KCNU1: variants seen among roughly 807,000 people sequenced by gnomAD.
KCNU1 encodes potassium channel subfamily U member 1.
KCNU1 carries 93 observed loss-of-function variants against 126.8 expected under a neutral mutation model. The observed-to-expected ratio is 0.73, with a 90% CI of 0.62 to 0.87. The LOEUF is 0.87. Among genes scored for constraint, KCNU1 ranks in the 40% least tolerant of loss-of-function variants. The pLI, the probability that KCNU1 is intolerant of heterozygous loss-of-function variation, is 0.00. For missense variants in KCNU1, 1,330 were observed against 1,367.1 expected (o/e 0.97, Z 0.43); for synonymous variants, 523 against 494.2 (o/e 1.06, Z -0.77).
At chr8:36,931,497 G>T (rs1808702585) in intron 25 of KCNU1, among the ~76,000 whole-genome samples, 1 of 152,058 alleles carries the variant, frequency 6.6e-6, no homozygotes, top group African/African-American at 2.4e-5. Flanking sequence ...TGTTTATTGA[G>T]TATTTTCTCT....
At chr8:36,914,694 G>A (rs150896219) in intron 22 of KCNU1, among the ~76,000 whole-genome samples, 1 of 152,228 alleles carries the variant, frequency 6.6e-6, no homozygotes, top group East Asian at 1.9e-4. Flanking sequence ...AGGTTTTTCT[G>A]TAATACTCTA....
chr8:36,841,819 T>A (rs1417080079), intron 16 of KCNU1, among the ~76,000 whole-genome samples: 3 of 152,122 alleles, frequency 2.0e-5, no homozygotes, highest in Non-Finnish European at 4.4e-5. Flanking sequence ...GACATCAGCA[T>A]TTCCCAAAAA....
intron 19 of KCNU1, among the ~76,000 whole-genome samples, chr8:36,870,387 A>G (rs556511187): frequency 6.6e-6 from 1 of 152,144 alleles, no homozygotes; most frequent in African/African-American, 2.4e-5. Flanking sequence ...CCCCTCTGCC[A>G]TACATACCCT....
At chr8:36,813,309 G>T (rs1054500838) in intron 7 of KCNU1, among the ~76,000 whole-genome samples, 16 of 151,878 alleles carry the variant, frequency 1.1e-4, no homozygotes, top group African/African-American at 3.9e-4. Flanking sequence ...TTCCATCCTA[G>T]TTCTTAAAAA....
At chr8:36,913,292 G>A (rs1807959893) in intron 22 of KCNU1, among the ~76,000 whole-genome samples, 1 of 152,044 alleles carries the variant, frequency 6.6e-6, no homozygotes, top group Admixed American at 6.5e-5. Context: ...GGTTTTGGGG[G>A]AATGAGGTTG....
chr8:36,903,860 T>A (rs1481614105), intron 19 of KCNU1, among the ~76,000 whole-genome samples: 1 of 152,022 alleles, frequency 6.6e-6, no homozygotes, highest in Admixed American at 6.6e-5. Context: ...AAGTGCAAAG[T>A]GAATTGGGGG....
chr8:36,858,823 A>G (rs1204431214), intron 18 of KCNU1, among the ~76,000 whole-genome samples: 1 of 152,196 alleles, frequency 6.6e-6, no homozygotes, highest in African/African-American at 2.4e-5. Flanking sequence ...TATGATATCT[A>G]GGGATAAGTT....
chr8:36,790,402 A>C (rs1033494521), intron 2 of KCNU1, among the ~76,000 whole-genome samples: 2 of 152,110 alleles, frequency 1.3e-5, no homozygotes, highest in African/African-American at 4.8e-5. Context: ...AAAGATAGTT[A>C]GAAATTAATG....
rs185798371 is a variant in KCNU1 at position 36,829,348 on chromosome 8, T to A, written c.1107-4206T>A. On this transcript the variant is annotated intron_variant, in intron 10 of 26. Coordinates refer to ENST00000399881, the MANE Select transcript of KCNU1 (RefSeq NM_001031836.3). Reference sequence around the variant, plus strand: ...TTTTGTTTAGAAACTTTTTCCCTATTCCACTGTTTAAAATATGTTGAACTA... The same window carrying A: ...TTTTGTTTAGAAACTTTTTCCCTATACCACTGTTTAAAATATGTTGAACTA... 2.5e-3 allele frequency among the ~76,000 whole-genome samples: 384 copies of A among 151,958 alleles called. 4 individuals carry two copies. Among genetic ancestry groups the A allele is most frequent in the African/African-American group, 8.9e-3 (369 of 41,554 alleles).
At position 36,807,467 on chromosome 8, in the gene KCNU1, G is replaced by T; in HGVS notation, c.656+17G>T. 2 of 1,559,544 alleles carry T rather than the reference G, an allele frequency of 1.3e-6. No homozygotes were observed. Among genetic ancestry groups the T allele is most frequent in the South Asian group, 2.2e-5 (2 of 89,982 alleles). ...CAAGACCAGGTAAATAGCCCTGACC[G>T]AAGTACTGCTTACTTATTAGTTTGG... On this transcript the variant is annotated intron_variant, in intron 6 of 26. Transcript: ENST00000399881.
intron 19 of KCNU1, among the ~76,000 whole-genome samples, chr8:36,866,559 G>A (rs994104303): frequency 1.3e-5 from 2 of 152,086 alleles, no homozygotes. Flanking sequence ...AATTTTGCCT[G>A]GCTATTTCCA....
At chr8:36,813,257 A>G (rs1391444917) in intron 7 of KCNU1, among the ~76,000 whole-genome samples, 2 of 152,146 alleles carry the variant, frequency 1.3e-5, no homozygotes, top group Non-Finnish European at 2.9e-5. Context: ...CATCACTTTT[A>G]AAAAGGGAAC....
intron 7 of KCNU1, among the ~76,000 whole-genome samples, chr8:36,809,051 A>T (rs186787493): frequency 6.6e-6 from 1 of 152,318 alleles, no homozygotes; most frequent in Non-Finnish European, 1.5e-5. Flanking sequence ...CTCCAAAGGT[A>T]TCAGCAATAG....
chr8:36,833,113 A>C (rs1202350741), intron 10 of KCNU1, among the ~76,000 whole-genome samples: 1 of 152,120 alleles, frequency 6.6e-6, no homozygotes, highest in Non-Finnish European at 1.5e-5. Flanking sequence ...GTTCTTTATA[A>C]AAATTAGTTC....
In KCNU1 at chr8:36,814,312, G is replaced by C. The variant is rs1260245465; in HGVS notation, c.838G>C (p.Gly280Arg). The stretch of plus-strand genomic sequence containing the variant: ...GGCAACAACGTCAACCGTTGGATTT[G>C]GAGATGTGGTAGCCAAGACATCCTT... Reference protein sequence around the residue: ...VMATTSTVGFGDVVAKTSLGR... With the variant: ...VMATTSTVGFRDVVAKTSLGR... The change falls in exon 8 of 27, where the codon GGA becomes CGA. Residue 280 changes from glycine (G) to arginine (R), a missense_variant. Transcript: ENST00000399881. 1 of 1,613,056 alleles carries C rather than the reference G, an allele frequency of 6.2e-7. No individual in the cohort carries two copies. The highest frequency in any genetic ancestry group is 1.1e-5 in the South Asian group (1 of 90,986).
intron 8 of KCNU1, among the ~76,000 whole-genome samples, chr8:36,814,836 T>C (rs763461696): frequency 1.3e-5 from 2 of 152,200 alleles, no homozygotes; most frequent in Non-Finnish European, 2.9e-5. Flanking sequence ...GGCAAAAGCC[T>C]TCTTTTCTTT....
Position 36,835,333 on chromosome 8 carries a change from C to CT in KCNU1, c.1295+469dup, listed in dbSNP as rs988338054. 1.7e-4 allele frequency among the ~76,000 whole-genome samples: 26 copies of CT among 148,620 alleles called. 1 individual carries two copies. The highest frequency in any genetic ancestry group is 6.2e-4 in the African/African-American group (25 of 40,100). ...TTGTTTGACCATCAGTAAGTATTCT[C>CT]TTTTCTTTTCTTTTCTTTTTTTTTT... On this transcript the variant is annotated intron_variant, in intron 12 of 26. Transcript: ENST00000399881.
intron 19 of KCNU1, among the ~76,000 whole-genome samples, chr8:36,868,434 T>C (rs1428130720): frequency 1.3e-5 from 2 of 152,164 alleles, no homozygotes. Flanking sequence ...TTTTATGCCT[T>C]AATAGTCTTA....
intron 22 of KCNU1, 113 bp downstream of exon 22, chr8:36,911,232 C>T (rs1281538094): frequency 7.8e-6 from 6 of 764,680 alleles, no homozygotes; most frequent in Non-Finnish European, 1.2e-5. Context: ...GCCAGATGTC[C>T]TCTGAGGTCC....
Sources: allele counts gnomAD v4.1 joint callset (sites outside exome capture counted in the v4.1 genomes callset), GRCh38; gene constraint gnomAD v4.1.1; transcripts MANE v1.5; gene names NCBI Gene and HGNC (gene_info 2026-07-23, HGNC 2026-07-21).